The following SUMF1 variants were observed in gnomAD, a reference collection of about 807,000 sequenced individuals.
SUMF1 encodes sulfatase modifying factor 1, also known as formylglycine-generating enzyme.
SUMF1 carries 48 observed loss-of-function variants against 47.6 expected under a neutral mutation model. The ratio of observed to expected loss-of-function variants is 1.01; its 90% CI spans 0.80 to 1.28. SUMF1 has a LOEUF of 1.28. SUMF1 is among the 50% of genes most tolerant of loss of function. SUMF1 has a pLI of 0.00. For synonymous variants in SUMF1, 230 were observed against 192.1 expected (o/e 1.20, Z -1.63); for missense variants, 571 against 485.4 (o/e 1.18, Z -1.66).
chr3:4,182,141 C>T (rs1321835540), intron 8 of SUMF1, among the ~76,000 whole-genome samples: 1 of 152,030 alleles, frequency 6.6e-6, no homozygotes, highest in Non-Finnish European at 1.5e-5. Context: ...GTCTTCAGAG[C>T]TTTATAAGTT....
chr3:4,135,638 A>G (rs1363277891), intron 8 of SUMF1, among the ~76,000 whole-genome samples: 2 of 152,162 alleles, frequency 1.3e-5, no homozygotes, highest in African/African-American at 4.8e-5. Context: ...CATCAGGCAG[A>G]AGAAGGAAAT....
At chr3:4,451,976 C>G (rs987769942) in intron 2 of SUMF1, among the ~76,000 whole-genome samples, 6 of 151,996 alleles carry the variant, frequency 3.9e-5, no homozygotes, top group African/African-American at 1.5e-4. Flanking sequence ...AGCCACCGCG[C>G]CTGGCCCAAA....
chr3:4,221,571 A>G (rs948200016), intron 8 of SUMF1, among the ~76,000 whole-genome samples: 3 of 152,166 alleles, frequency 2.0e-5, no homozygotes, highest in Middle Eastern at 3.4e-3. Context: ...TCTTATCATC[A>G]TCTAATTCAA....
rs551399156 is a variant in SUMF1, at chr3:4,209,967, T to C, written c.1015-141222A>G. Among the ~76,000 whole-genome samples, 8 of 152,254 alleles carry C rather than the reference T, an allele frequency of 5.3e-5. No homozygotes were observed. The South Asian group carries it at 1.2e-3, about 24-fold the overall frequency. ...TGGAGTGCAGTGGCACGATCTCAGCTCACTGTAACCTCCACCTCCTGGGTT... is the reference window on the plus strand; with the variant it reads ...TGGAGTGCAGTGGCACGATCTCAGCCCACTGTAACCTCCACCTCCTGGGTT... On this transcript the variant is annotated intron_variant and NMD_transcript_variant, in intron 8 of 12. Transcript: ENST00000448413.
intron 8 of SUMF1, among the ~76,000 whole-genome samples, chr3:4,241,736 A>C (rs1696541659): frequency 6.6e-6 from 1 of 152,088 alleles, no homozygotes; most frequent in Non-Finnish European, 1.5e-5. Context: ...ATACCACGAG[A>C]AGTGGGTTTA....
At chr3:4,121,117 T>C (rs1693531117) in intron 8 of SUMF1, among the ~76,000 whole-genome samples, 1 of 152,120 alleles carries the variant, frequency 6.6e-6, no homozygotes, top group Non-Finnish European at 1.5e-5. Flanking sequence ...AATCACATAA[T>C]CTTTCAAGGA....
chr3:4,263,716 T>G (rs1697133100), intron 8 of SUMF1, among the ~76,000 whole-genome samples: 1 of 152,214 alleles, frequency 6.6e-6, no homozygotes, highest in African/African-American at 2.4e-5. Context: ...AAATATTCCC[T>G]TGCCCCCTTA....
intron 9 of SUMF1, among the ~76,000 whole-genome samples, chr3:4,046,692 C>T (rs1695013154): frequency 6.6e-6 from 1 of 150,604 alleles, no homozygotes; most frequent in South Asian, 2.1e-4. Flanking sequence ...TTTCTCCAGT[C>T]TATAACCTTG....
At chr3:4,086,294 C>T (rs990575501) in intron 8 of SUMF1, among the ~76,000 whole-genome samples, 16 of 151,888 alleles carry the variant, frequency 1.1e-4, no homozygotes, top group Admixed American at 5.2e-4. Flanking sequence ...GAATCCCCAT[C>T]CCACATTTAT....
chr3:4,097,017 G>A (rs1349908023), intron 8 of SUMF1, among the ~76,000 whole-genome samples: 2 of 152,114 alleles, frequency 1.3e-5, no homozygotes, highest in South Asian at 2.1e-4. Flanking sequence ...CATTTAGCCA[G>A]TATGTCAGAT....
intron 8 of SUMF1, among the ~76,000 whole-genome samples, chr3:4,243,470 C>G (rs1486148505): frequency 6.6e-6 from 1 of 152,148 alleles, no homozygotes; most frequent in Non-Finnish European, 1.5e-5. Context: ...TGTCTTTGTT[C>G]TCATTGGTTT....
chr3:4,213,036 C>A (rs1695833947), intron 8 of SUMF1, among the ~76,000 whole-genome samples: 1 of 152,094 alleles, frequency 6.6e-6, no homozygotes, highest in Non-Finnish European at 1.5e-5. Flanking sequence ...GACAGGCCAA[C>A]ATTCAAATTC....
chr3:4,074,951 TCCAATGAA>T (rs1692385736), intron 8 of SUMF1, among the ~76,000 whole-genome samples: 1 of 152,028 alleles, frequency 6.6e-6, no homozygotes, highest in African/African-American at 2.4e-5. Flanking sequence ...CTGAAACTAT[TCCAATGAA>T]TAGAAAAAGA....
At chr3:4,395,572 G>A (rs6777977) in intron 7 of SUMF1, among the ~76,000 whole-genome samples, 2,183 of 152,152 alleles carry the variant, frequency 0.014, 43 homozygotes, top group African/African-American at 0.05. Flanking sequence ...TAAAACACAC[G>A]AATCAAATTA....
At chr3:4,182,722 T>G (rs1695122134) in intron 8 of SUMF1, among the ~76,000 whole-genome samples, 1 of 152,180 alleles carries the variant, frequency 6.6e-6, no homozygotes, top group Non-Finnish European at 1.5e-5. Flanking sequence ...CTTATTGGAC[T>G]TCAGGTATAG....
At chr3:4,287,107 A>C (rs747585360) in intron 8 of SUMF1, among the ~76,000 whole-genome samples, 2 of 152,168 alleles carry the variant, frequency 1.3e-5, no homozygotes, top group Non-Finnish European at 2.9e-5. Context: ...CTCACAGCTA[A>C]TGGAATGTGT....
intron 8 of SUMF1, among the ~76,000 whole-genome samples, chr3:4,253,419 C>T (rs967206432): frequency 1.3e-5 from 2 of 152,262 alleles, no homozygotes; most frequent in Non-Finnish European, 2.9e-5. Context: ...CGTGCACGAG[C>T]GGAAGCAGGG....
chr3:4,288,181 T>C (rs1400081557), intron 8 of SUMF1, among the ~76,000 whole-genome samples: 4 of 152,174 alleles, frequency 2.6e-5, no homozygotes, highest in African/African-American at 7.2e-5. Flanking sequence ...TCTTAATTGC[T>C]TCATCACTGG....
intron 8 of SUMF1, among the ~76,000 whole-genome samples, chr3:4,284,620 G>C (rs1481011188): frequency 2.6e-5 from 4 of 151,922 alleles, no homozygotes; most frequent in African/African-American, 9.7e-5. Context: ...TTTTACTCCA[G>C]TGTGATATTT....
Sources: gnomAD v4.1 joint callset for allele counts (sites outside exome capture counted in the v4.1 genomes callset) on GRCh38, gnomAD v4.1.1 for gene constraint, MANE v1.5 for transcripts, NCBI Gene and HGNC (gene_info 2026-07-23, HGNC 2026-07-21) for gene names.